Variants in EPAS1 observed in about 807,000 individuals in gnomAD.
EPAS1 encodes endothelial PAS domain protein 1.
A neutral mutation model predicts 87.9 loss-of-function variants in EPAS1; 23 were observed. The ratio of observed to expected loss-of-function variants is 0.26; its 90% CI spans 0.19 to 0.37. EPAS1 has a LOEUF of 0.37. Among genes scored for constraint, EPAS1 ranks in the 10% least tolerant of loss-of-function variants. The pLI is 1.00. For synonymous variants in EPAS1, 508 were observed against 444.3 expected, an observed-to-expected ratio of 1.14 and a Z score of -1.80; for missense variants, 1,138 against 1,120.7, an observed-to-expected ratio of 1.02 and a Z score of -0.22.
At chr2:46,339,673 C>T (rs1683868681) in intron 1 of EPAS1, among the ~76,000 whole-genome samples, 1 of 152,244 alleles carries the variant, frequency 6.6e-6, no homozygotes, top group Admixed American at 6.5e-5. Flanking sequence ...GCCCCACTGT[C>T]TTAGCCCATT....
rs577746154 is a variant in EPAS1 at position 46,380,775 on chromosome 2, A to G, written c.2045+58A>G. On this transcript the variant is annotated intron_variant, in intron 12 of 15. Transcript: ENST00000263734. This position sits in a 1 kb window ranked among gnomAD's most constrained non-coding sequence, Gnocchi z 4.4. ...GCCGAACCGAGAGGCACCCACTAGT[A>G]AGATAGCTGGACCCCCAGGGAGGCC... 1.8e-5 allele frequency: 29 copies of G among 1,599,618 alleles called. 1 individual carries two copies. The African/African-American group carries it at 2.7e-4, about 15-fold the overall frequency.
At chr2:46,349,465 A>G (rs1350472718) in intron 2 of EPAS1, among the ~76,000 whole-genome samples, 1 of 152,176 alleles carries the variant, frequency 6.6e-6, no homozygotes, top group East Asian at 1.9e-4. Context: ...GGGACATCCC[A>G]TATCTATCCC....
At position 46,380,486 on chromosome 2, in the gene EPAS1, C is replaced by T. The variant is rs1684861809; in HGVS notation, c.1814C>T (p.Ser605Phe). The change falls in exon 12 of 16, where the codon TCC (serine) becomes TTC (phenylalanine). Residue 605 changes from serine to phenylalanine, a missense_variant. Ser to Phe is a radical substitution (Grantham distance 155). This residue lies in a region of EPAS1 where 502 missense variants were observed against 427.1 expected (regional missense o/e 1.18). Transcript: ENST00000263734. The surrounding 1 kb of genome is among the most constrained non-coding windows in gnomAD (Gnocchi z 4.4). The part of the protein sequence containing the change: ...KKTEPEHRPM[S>F]SIFFDAGSKA... ...ACAGAGCCCGAGCACCGGCCCATGT[C>T]CTCCATCTTCTTTGATGCCGGAAGC... 4 of 1,614,080 alleles carry T rather than the reference C, an allele frequency of 2.5e-6. No homozygotes were observed. The highest frequency in any genetic ancestry group is 4.5e-5 in the East Asian group (2 of 44,900).
intron 1 of EPAS1, among the ~76,000 whole-genome samples, chr2:46,304,362 A>T (rs186486538): frequency 7.2e-5 from 11 of 152,216 alleles, no homozygotes; most frequent in African/African-American, 2.6e-4. Flanking sequence ...AACCTGAGTA[A>T]AGGAGGTCCC....
In EPAS1 at chr2:46,384,594, C is replaced by T. The variant is rs757397099; in HGVS notation, c.2547C>T (p.Pro849=). 2.0e-5 allele frequency: 32 copies of T among 1,614,026 alleles called. No individual in the cohort carries two copies. In the Admixed American group the frequency reaches 2.2e-4, roughly 11 times the overall value. The change falls in exon 16 of 16, where the codon CCC becomes CCT. Residue 849 remains proline, a synonymous_variant. Transcript: ENST00000263734. ...LTRYDCEVNV[P]VLGSSTLLQG... is the part of the protein sequence containing the mutation. Reference sequence around the variant, plus strand: ...GATATGACTGTGAGGTGAACGTGCCCGTGCTGGGAAGCTCCACGCTCCTGC... The same window carrying T: ...GATATGACTGTGAGGTGAACGTGCCTGTGCTGGGAAGCTCCACGCTCCTGC...
intron 1 of EPAS1, among the ~76,000 whole-genome samples, chr2:46,326,372 AC>A (rs1397129170): frequency 6.6e-6 from 1 of 152,172 alleles, no homozygotes; most frequent in Non-Finnish European, 1.5e-5. Flanking sequence ...GTGAAAGAAA[AC>A]GGGGGTAAAA....
At chr2:46,297,960 C>T in intron 1 of EPAS1, 23 bp downstream of exon 1, 2 of 1,611,228 alleles carry the variant, frequency 1.2e-6, no homozygotes, top group Non-Finnish European at 1.7e-6. Context: ...CCGGGCCGAT[C>T]AGGGGGCCGG....
At chr2:46,326,245 A>T (rs1296967719) in intron 1 of EPAS1, among the ~76,000 whole-genome samples, 1 of 152,118 alleles carries the variant, frequency 6.6e-6, no homozygotes, top group Non-Finnish European at 1.5e-5. Context: ...GGGAGTGGGG[A>T]ATCTGCTTTT....
At chr2:46,363,244 C>A (rs971130611) in intron 6 of EPAS1, among the ~76,000 whole-genome samples, 3 of 152,104 alleles carry the variant, frequency 2.0e-5, no homozygotes, top group Non-Finnish European at 4.4e-5. Context: ...CTCAAGCCGA[C>A]GTAGCCATAT....
chr2:46,308,460 T>TTGC (rs541300033), intron 1 of EPAS1, among the ~76,000 whole-genome samples: 2 of 109,226 alleles, frequency 1.8e-5, no homozygotes, highest in East Asian at 5.5e-4. Flanking sequence ...TGCTTTTTTT[T>TTGC]GGGGGGGGGG....
intron 1 of EPAS1, among the ~76,000 whole-genome samples, chr2:46,332,607 TTCTTTAGCCCCACTTGCTGA>T (rs1683709246): frequency 6.6e-6 from 1 of 152,212 alleles, no homozygotes; most frequent in Non-Finnish European, 1.5e-5. Context: ...GTGTGGGCTG[TTCTTTAGCCCCACTTGCTGA>T]TCTTTAGGGA....
At chr2:46,317,721 G>T (rs1572617541) in intron 1 of EPAS1, among the ~76,000 whole-genome samples, 1 of 152,052 alleles carries the variant, frequency 6.6e-6, no homozygotes, top group Admixed American at 6.6e-5. Context: ...CCAGCATAAG[G>T]CTCTTTCATC....
At chr2:46,317,940 C>A (rs1447016648) in intron 1 of EPAS1, among the ~76,000 whole-genome samples, 1 of 152,186 alleles carries the variant, frequency 6.6e-6, no homozygotes, top group Non-Finnish European at 1.5e-5. Flanking sequence ...GCTCTGCCTT[C>A]CTAGAATTGA....
intron 1 of EPAS1, among the ~76,000 whole-genome samples, chr2:46,332,174 G>A (rs377284606): frequency 1.3e-3 from 194 of 151,966 alleles, no homozygotes; most frequent in African/African-American, 3.7e-3. Flanking sequence ...GAAAAAGAGG[G>A]TTAAGTGCCA....
chr2:46,361,009 C>G lies in EPAS1; in HGVS notation c.698C>G (p.Ser233Cys). Residue 233 changes from serine to cysteine, a missense_variant, in exon 6 of 16, where the codon TCC becomes TGC. Transcript: ENST00000263734. ...ATGTGTGAACCAATCCAGCACCCATCCCACATGGACATCCCCCTGGATAGC... is the reference window on the plus strand; with the variant it reads ...ATGTGTGAACCAATCCAGCACCCATGCCACATGGACATCCCCCTGGATAGC... ...IIMCEPIQHPSHMDIPLDSKT... is the reference protein window; with the variant it reads ...IIMCEPIQHPCHMDIPLDSKT... 1.2e-6 allele frequency: 2 copies of G among 1,614,174 alleles called. No homozygotes were observed. Among genetic ancestry groups the G allele is most frequent in the South Asian group, 2.2e-5 (2 of 91,084 alleles).
chr2:46,377,941 C>A lies in EPAS1; in HGVS notation c.1297C>A (p.Pro433Thr). Residue 433 changes from proline to threonine, a missense_variant, in exon 10 of 16, where the codon CCC (proline) becomes ACC (threonine). Physicochemically the swap from Pro to Thr is conservative, Grantham distance 38. This residue lies in a region of EPAS1 where 284 missense variants were observed against 258.4 expected (regional missense o/e 1.10). Transcript: ENST00000263734. ...ESSAYGKAIL[P>T]PSQPWATELR... ...CTCAGCCTATGGCAAGGCCATCCTGCCCCCGAGCCAGCCATGGGCCACGGA... is the reference window on the plus strand; with the variant it reads ...CTCAGCCTATGGCAAGGCCATCCTGACCCCGAGCCAGCCATGGGCCACGGA... 6.4e-7 allele frequency: 1 copy of A among 1,557,398 alleles called. No individual in the cohort carries two copies. The highest frequency in any genetic ancestry group is 8.7e-7 in the Non-Finnish European group (1 of 1,150,106).
intron 1 of EPAS1, among the ~76,000 whole-genome samples, chr2:46,312,472 T>C (rs1404957161): frequency 6.6e-6 from 1 of 152,172 alleles, no homozygotes; most frequent in Admixed American, 6.5e-5. Context: ...TAAAGTCTAT[T>C]ATATTTTAAA....
chr2:46,378,542 TG>T, intron 10 of EPAS1, 114 bp from the exon 11 acceptor site: 1 of 835,370 alleles, frequency 1.2e-6, no homozygotes, highest in Middle Eastern at 2.2e-4. Context: ...AATAGTTGTG[TG>T]GTGGAATGGA....
In EPAS1 at chr2:46,360,195, G is replaced by C. The variant is rs1684359488; in HGVS notation, c.455-443G>C. On this transcript the variant is annotated intron_variant, in intron 4 of 15. Transcript: ENST00000263734. This position sits in a 1 kb window ranked among gnomAD's most constrained non-coding sequence, Gnocchi z 4.5. ...ATAAAGGAAAGACGGGAGTGTCGGA[G>C]AGACATTTCTAACCTGTGAGGAAGG... is the stretch of plus-strand genomic sequence containing the variant. Among the ~76,000 whole-genome samples, 1 of 152,226 alleles carries C rather than the reference G, an allele frequency of 6.6e-6. No homozygotes were observed. The highest frequency in any genetic ancestry group is 6.5e-5 in the Admixed American group (1 of 15,282).
Sources: gnomAD v4.1 joint callset for allele counts (sites outside exome capture counted in the v4.1 genomes callset) on GRCh38, gnomAD v4.1.1 for gene constraint, gnomAD v4.1.1 regional missense constraint, Gnocchi (gnomAD v3.1) non-coding constraint, MANE v1.5 for transcripts, NCBI Gene and HGNC (gene_info 2026-07-23, HGNC 2026-07-21) for gene names.